The following FRMD4B variants were observed in gnomAD, a reference collection of about 807,000 sequenced individuals.
The protein encoded by FRMD4B is FERM domain-containing protein 4B.
In FRMD4B, 74 loss-of-function variants were observed where a neutral mutation model predicts 141.5. That is an observed-to-expected ratio of 0.52 (90% CI 0.43 to 0.63). The LOEUF (loss-of-function observed/expected upper bound fraction) is 0.63. Among genes scored for constraint, FRMD4B ranks in the 30% least tolerant of loss-of-function variants. FRMD4B has a pLI of 0.00. For missense variants in FRMD4B, 1,366 were observed against 1,253.4 expected (o/e 1.09, Z -1.36); for synonymous variants, 506 against 467.9 (o/e 1.08, Z -1.05).
chr3:69,352,107 A>G (rs1703170255), intron 1 of FRMD4B, among the ~76,000 whole-genome samples: 1 of 152,132 alleles, frequency 6.6e-6, no homozygotes, highest in Non-Finnish European at 1.5e-5. Flanking sequence ...ATCTGGGAAT[A>G]TATTAGGCCC....
At chr3:69,203,674 G>C (rs1462151403) in intron 11 of FRMD4B, among the ~76,000 whole-genome samples, 4 of 152,096 alleles carry the variant, frequency 2.6e-5, no homozygotes, top group Admixed American at 2.6e-4. Flanking sequence ...CTGTAAAATG[G>C]GACCACCAAC....
At position 69,307,059 on chromosome 3, in the gene FRMD4B, T is replaced by A. The variant is rs867127620; in HGVS notation, c.323+4204A>T. On this transcript the variant is annotated intron_variant, in intron 3 of 22. Transcript: ENST00000398540. The stretch of plus-strand genomic sequence containing the variant: ...CCCCCTCAACAGCCCCGCTCATACT[T>A]CTTCTGAAAATAAACACGACTAGAG... 3.1e-4 allele frequency among the ~76,000 whole-genome samples: 47 copies of A among 151,930 alleles called. 2 individuals are homozygous for A. The Middle Eastern group carries it at 0.027, about 88-fold the overall frequency.
At chr3:69,474,084 C>A (rs1439480140) in intron 1 of FRMD4B, among the ~76,000 whole-genome samples, 3 of 152,154 alleles carry the variant, frequency 2.0e-5, no homozygotes, top group African/African-American at 7.2e-5. Flanking sequence ...TGGTAAAGCC[C>A]ATCAGTGATT....
intron 1 of FRMD4B, among the ~76,000 whole-genome samples, chr3:69,502,491 G>C (rs1157112029): frequency 6.6e-6 from 1 of 152,178 alleles, no homozygotes; most frequent in African/African-American, 2.4e-5. Flanking sequence ...GTAGAAAGCT[G>C]AAACTGGATC....
intron 18 of FRMD4B, among the ~76,000 whole-genome samples, chr3:69,188,775 A>ACAAAAAAAAAAAAAAC (rs796139191): frequency 1.0e-4 from 15 of 148,186 alleles, no homozygotes; most frequent in South Asian, 6.7e-4. Context: ...AAAAAAAAAA[A>ACAAAAAAAAAAAAAAC]AAAAAAAAAC....
At chr3:69,349,048 T>C (rs1031636299) in intron 1 of FRMD4B, among the ~76,000 whole-genome samples, 1 of 152,256 alleles carries the variant, frequency 6.6e-6, no homozygotes, top group East Asian at 1.9e-4. Flanking sequence ...TGTTTGCATA[T>C]GACATGATTG....
chr3:69,345,344 C>T (rs543703383), intron 1 of FRMD4B, among the ~76,000 whole-genome samples: 6 of 152,296 alleles, frequency 3.9e-5, no homozygotes, highest in South Asian at 2.1e-4. Context: ...CCTGGAAGCT[C>T]GAACTGGGTG....
At chr3:69,467,713 T>G (rs1705816664) in intron 1 of FRMD4B, among the ~76,000 whole-genome samples, 1 of 152,136 alleles carries the variant, frequency 6.6e-6, no homozygotes, top group Admixed American at 6.5e-5. Flanking sequence ...AGTATATACC[T>G]CCCAACTCCA....
intron 5 of FRMD4B, among the ~76,000 whole-genome samples, chr3:69,250,914 C>G (rs1006976273): frequency 1.3e-5 from 2 of 150,978 alleles, no homozygotes; most frequent in African/African-American, 2.5e-5. Context: ...ATAGAGAGAC[C>G]TCATCTCTAC....
At chr3:69,389,066 C>T (rs952134267), upstream of FRMD4B, among the ~76,000 whole-genome samples, 6 of 144,298 alleles carry the variant, frequency 4.2e-5, no homozygotes, top group Admixed American at 7.1e-5. Flanking sequence ...CGTAGTCTCC[C>T]TCTGTCGCCC....
chr3:69,439,164 A>G (rs972413249), intron 1 of FRMD4B, among the ~76,000 whole-genome samples: 1 of 152,202 alleles, frequency 6.6e-6, no homozygotes. Flanking sequence ...ATTTTGCTCA[A>G]CATGGTTTTT....
intron 1 of FRMD4B, among the ~76,000 whole-genome samples, chr3:69,319,276 T>C (rs1370844124): frequency 6.6e-6 from 1 of 152,170 alleles, no homozygotes; most frequent in East Asian, 1.9e-4. Context: ...CTGAGCCTTA[T>C]AAGAAATGTC....
At chr3:69,197,156 A>C (rs2092916285) in intron 12 of FRMD4B, 118 bp from the exon 13 acceptor site, 1 of 710,714 alleles carries the variant, frequency 1.4e-6, no homozygotes. Flanking sequence ...CTGTTGCAAA[A>C]ACTCTTACGC....
Position 69,196,246 on chromosome 3 carries a change from A to G in FRMD4B, c.1234+9T>C, listed in dbSNP as rs777183086. The G allele has an allele frequency of 1.3e-6, 2 of 1,570,752 alleles. No individual in the cohort carries two copies. The highest frequency in any genetic ancestry group is 2.4e-5 in the South Asian group (2 of 83,440). On this transcript the variant is annotated intron_variant, in intron 14 of 22. Coordinates refer to ENST00000398540, the MANE Select transcript of FRMD4B (RefSeq NM_015123.3). ...ATGGCTTGCACGTTCTCTAATCCCA[A>G]GATGTTACCTGAGGAGATTAAACTG...
chr3:69,495,455 T>C (rs574369132), intron 1 of FRMD4B, among the ~76,000 whole-genome samples: 2 of 152,332 alleles, frequency 1.3e-5, no homozygotes, highest in Non-Finnish European at 2.9e-5. Context: ...TTGGAGCTTA[T>C]GCTCTCTCTC....
At chr3:69,475,584 A>AT (rs1705979736) in intron 1 of FRMD4B, among the ~76,000 whole-genome samples, 2 of 151,996 alleles carry the variant, frequency 1.3e-5, no homozygotes, top group South Asian at 4.1e-4. Context: ...TATGTGCCAT[A>AT]TTTTCTTAAT....
chr3:69,330,708 G>T (rs916622778), intron 1 of FRMD4B, among the ~76,000 whole-genome samples: 51 of 151,780 alleles, frequency 3.4e-4, no homozygotes, highest in African/African-American at 1.2e-3. Context: ...TGTTGCCCAG[G>T]CTGGTTTTGA....
Position 69,225,725 on chromosome 3 carries a change from AAAAGAGG to A in FRMD4B, c.582-1042_582-1036del, listed in dbSNP as rs2093247646. ...AAAAAAAAAAAAAAAAAAAAAAAAA[AAAAGAGG>A]GAGAACACGTAATACTACCCAGTCA... On this transcript the variant is annotated intron_variant, in intron 7 of 22. Coordinates refer to ENST00000398540, the MANE Select transcript of FRMD4B (RefSeq NM_015123.3). Among the ~76,000 whole-genome samples the A allele has an allele frequency of 1.3e-4, 11 of 82,960 alleles. 3 individuals are homozygous for A. The highest frequency in any genetic ancestry group is 8.8e-4 in the East Asian group (2 of 2,270). The allele number at this position is 82,960 out of a possible 152,430, so 54.4% of individuals were successfully genotyped here.
At chr3:69,453,958 T>TG (rs1487107567) in intron 1 of FRMD4B, among the ~76,000 whole-genome samples, 3 of 152,178 alleles carry the variant, frequency 2.0e-5, no homozygotes, top group Non-Finnish European at 4.4e-5. Context: ...CAAGCATTGA[T>TG]GTGTCCCCCG....
Sources: allele counts gnomAD v4.1 joint callset (sites outside exome capture counted in the v4.1 genomes callset), GRCh38; gene constraint gnomAD v4.1.1; transcripts MANE v1.5; gene names NCBI Gene and HGNC (gene_info 2026-07-23, HGNC 2026-07-21).